Variants in SLC67A2 observed in about 807,000 individuals in gnomAD.
The protein encoded by SLC67A2 is solute carrier family 67 member A2.
chr2:102,724,335 T>G, the SLC67A2 span, among the ~76,000 whole-genome samples: 5 of 152,086 alleles, frequency 3.3e-5, no homozygotes, highest in Admixed American at 1.3e-4. Context: ...AGCCCTAAGG[T>G]TGACCCTGAG....
the SLC67A2 span, chr2:102,716,230 T>G: frequency 7.2e-5 from 11 of 152,362 alleles, no homozygotes; most frequent in African/African-American, 2.6e-4. Context: ...TCATTAAGTT[T>G]ATGGGCTTTT....
the SLC67A2 span, among the ~76,000 whole-genome samples, chr2:102,722,383 G>A: frequency 1.3e-5 from 2 of 152,334 alleles, no homozygotes; most frequent in Admixed American, 1.3e-4. Flanking sequence ...GGCAGGGTCT[G>A]CCCATCACCT....
the SLC67A2 span, among the ~76,000 whole-genome samples, chr2:102,725,719 G>A: frequency 1.3e-5 from 2 of 151,962 alleles, no homozygotes; most frequent in Non-Finnish European, 2.9e-5. Context: ...TGGGGGGGCT[G>A]AACTCTACAG....
the SLC67A2 span, among the ~76,000 whole-genome samples, chr2:102,729,117 G>C: frequency 1.3e-5 from 2 of 151,932 alleles, no homozygotes; most frequent in Admixed American, 1.3e-4. Flanking sequence ...CAGAAGTATG[G>C]GTTAAAAAGG....
chr2:102,735,688 A>C, the SLC67A2 span, among the ~76,000 whole-genome samples: 2 of 152,318 alleles, frequency 1.3e-5, no homozygotes, highest in East Asian at 3.9e-4. Flanking sequence ...TACTTGTAAG[A>C]CTGAATTCTT....
chr2:102,719,275 G>GA, the SLC67A2 span: 4 of 1,469,486 alleles, frequency 2.7e-6, no homozygotes, highest in Non-Finnish European at 3.7e-6. Context: ...CCTCCTTGGG[G>GA]AAGGGCCAAT....
chr2:102,732,955 C>T, the SLC67A2 span, among the ~76,000 whole-genome samples: 1 of 152,192 alleles, frequency 6.6e-6, no homozygotes, highest in Non-Finnish European at 1.5e-5. Flanking sequence ...CCACCTCCAT[C>T]ACTTACTAAA....
the SLC67A2 span, chr2:102,718,471 T>A: frequency 6.2e-7 from 1 of 1,614,204 alleles, no homozygotes; most frequent in South Asian, 1.1e-5. Flanking sequence ...GTCGCTTGTT[T>A]AGAGACATTA....
At chr2:102,718,823 G>A in the SLC67A2 span, 1 of 1,613,922 alleles carries the variant, frequency 6.2e-7, no homozygotes, top group South Asian at 1.1e-5. Flanking sequence ...CCGTAGGATT[G>A]GCCCCAGGGC....
At chr2:102,722,558 T>C in the SLC67A2 span, among the ~76,000 whole-genome samples, 120 of 152,316 alleles carry the variant, frequency 7.9e-4, 3 homozygotes, top group East Asian at 0.023. Flanking sequence ...AACTAAAATA[T>C]GTATCATGCA....
At chr2:102,723,978 G>A in the SLC67A2 span, 2 of 1,313,434 alleles carry the variant, frequency 1.5e-6, no homozygotes. Flanking sequence ...ATGATCCTGT[G>A]CTTAACCTCT....
At chr2:102,725,881 T>C in the SLC67A2 span, among the ~76,000 whole-genome samples, 1 of 152,084 alleles carries the variant, frequency 6.6e-6, no homozygotes, top group South Asian at 2.1e-4. Flanking sequence ...TTAACAAAAC[T>C]CGAGATGGTG....
chr2:102,736,622 C>A, the SLC67A2 span: 1 of 1,613,720 alleles, frequency 6.2e-7, no homozygotes, highest in African/African-American at 1.3e-5. Context: ...AGCACTTGCT[C>A]CCAGCCCCCA....
chr2:102,716,862 T>G, the SLC67A2 span: 1 of 152,336 alleles, frequency 6.6e-6, no homozygotes, highest in Non-Finnish European at 1.5e-5. Context: ...TCATCCTGCC[T>G]GGCATATGTC....
chr2:102,723,466 T>C, the SLC67A2 span, among the ~76,000 whole-genome samples: 1 of 151,282 alleles, frequency 6.6e-6, no homozygotes, highest in African/African-American at 2.4e-5. Context: ...CAAAACTTGG[T>C]CTCAAAAAAG....
the SLC67A2 span, chr2:102,723,688 T>C: frequency 3.7e-6 from 6 of 1,612,610 alleles, no homozygotes; most frequent in African/African-American, 1.3e-5. Context: ...CTTCTCATGA[T>C]TGTCAACTTA....
chr2:102,729,766 C>T, the SLC67A2 span, among the ~76,000 whole-genome samples: 1 of 151,962 alleles, frequency 6.6e-6, no homozygotes, highest in African/African-American at 2.4e-5. Context: ...AAGAAAGATA[C>T]CAAACTACTT....
the SLC67A2 span, among the ~76,000 whole-genome samples, chr2:102,729,296 A>G: frequency 6.6e-6 from 1 of 152,250 alleles, no homozygotes; most frequent in South Asian, 2.1e-4. Flanking sequence ...TTACATTTAT[A>G]AAGTGCTAAC....
chr2:102,715,561 T>C, the SLC67A2 span, among the ~76,000 whole-genome samples: 1 of 152,064 alleles, frequency 6.6e-6, no homozygotes, highest in African/African-American at 2.4e-5. Context: ...CCTCTAGACA[T>C]GAGGGCAGAG....
Sources: allele counts gnomAD v4.1 joint callset (sites outside exome capture counted in the v4.1 genomes callset), GRCh38; gene constraint gnomAD v4.1.1; transcripts MANE v1.5; gene names NCBI Gene and HGNC (gene_info 2026-07-23, HGNC 2026-07-21).